Variants in CDC7 observed in about 807,000 individuals in gnomAD.
CDC7 encodes the protein cell division cycle 7, also known as cell division cycle 7-related protein kinase.
In CDC7, 34 loss-of-function variants were observed where a neutral mutation model predicts 53.5. That is an observed-to-expected ratio of 0.64 (90% CI 0.48 to 0.85). The LOEUF is 0.85. Ranked by LOEUF, CDC7 falls within the 40% of genes least tolerant of loss-of-function variation. The probability of loss-of-function intolerance (pLI) is 0.00; values close to 1 mark genes in which losing one functional copy is unlikely to be tolerated. For synonymous variants in CDC7, 211 were observed against 222.8 expected, an observed-to-expected ratio of 0.95 and a Z score of 0.47; for missense variants, 594 against 679.7, an observed-to-expected ratio of 0.87 and a Z score of 1.40.
At chr1:91,513,796 T>A in intron 7 of CDC7, 152 bp from the exon 8 acceptor site, 1 of 556,202 alleles carries the variant, frequency 1.8e-6, no homozygotes. Flanking sequence ...TATTTTCTCC[T>A]TTCACAGAAG....
intron 11 of CDC7, 150 bp downstream of exon 11, chr1:91,520,429 T>C: frequency 1.7e-6 from 1 of 595,364 alleles, no homozygotes; most frequent in South Asian, 3.1e-5. Context: ...TTCAGTTGCT[T>C]GAAAATAAAT....
rs1336554763 is a variant in CDC7, at chr1:91,508,545, C to CT, written c.335+150dup. 5.2e-6 allele frequency: 3 copies of CT among 580,770 alleles called. No homozygotes were observed. The Admixed American group carries it at 1.1e-4, about 22-fold the overall frequency. The allele number at this position is 580,770 out of a possible 1,614,324, so 36.0% of individuals were successfully genotyped here. On this transcript the variant is annotated intron_variant, in intron 4 of 11. Transcript: ENST00000234626. ...AATTTGCTAGCACTTTCCTTCTAAC[C>CT]TTGCAATAGTTAGTTAAATTTATAG...
chr1:91,515,525 A>G (rs1242347499), intron 9 of CDC7, among the ~76,000 whole-genome samples: 1 of 152,090 alleles, frequency 6.6e-6, no homozygotes, highest in Non-Finnish European at 1.5e-5. Context: ...TTTTTCTATT[A>G]TGGCTCTTAT....
chr1:91,507,858 TA>T lies in CDC7; in HGVS notation c.126del (p.Asp43IlefsTer39). 5.8e-6 allele frequency: 8 copies of T among 1,373,616 alleles called. No homozygotes were observed. Among genetic ancestry groups the T allele is most frequent in the Admixed American group, 2.0e-5 (1 of 50,160 alleles). The allele number at this position is 1,373,616 out of a possible 1,614,324, so 85.1% of individuals were successfully genotyped here. On this transcript the variant is annotated frameshift_variant, in exon 3 of 12. Coordinates refer to ENST00000234626, the MANE Select transcript of CDC7 (RefSeq NM_003503.4). LOFTEE classifies it high-confidence loss of function. ...AAATTTTTGTTTCCTTGAAAGGTGTTAAAAAAGATATTGAGAAGCTTTATGA... is the reference window on the plus strand; with the variant it reads ...AAATTTTTGTTTCCTTGAAAGGTGTTAAAAAGATATTGAGAAGCTTTATGA... ...NEQNFKLAGV[K>X]KDIEKLYEAV...
rs1406627065 is a variant in CDC7 at position 91,513,933 on chromosome 1, T to G, written c.823-15T>G. 6.4e-7 allele frequency: 1 copy of G among 1,572,472 alleles called. No homozygotes were observed. The highest frequency in any genetic ancestry group is 1.1e-5 in the South Asian group (1 of 90,186). The stretch of plus-strand genomic sequence containing the variant: ...GATATAATCCTTATTTTCCTTGTTT[T>G]TGTTGGTATTGTAGGAGGGATCTGT... On this transcript the variant is annotated splice_polypyrimidine_tract_variant and intron_variant, in intron 7 of 11. Transcript: ENST00000234626.
intron 10 of CDC7, among the ~76,000 whole-genome samples, chr1:91,516,204 G>GA (rs577131246): frequency 6.6e-6 from 1 of 151,868 alleles, no homozygotes; most frequent in Admixed American, 6.6e-5. Flanking sequence ...CTTTGTGGGG[G>GA]AAAAAATTAT....
intron 4 of CDC7, among the ~76,000 whole-genome samples, 195 bp downstream of exon 4, chr1:91,508,592 C>G (rs1211837055): frequency 1.3e-5 from 2 of 152,252 alleles, no homozygotes; most frequent in East Asian, 3.9e-4. Flanking sequence ...GATTGGATTT[C>G]CCTTGAGGCT....
At position 91,511,851 on chromosome 1, in the gene CDC7, G is replaced by A. The variant is rs763649740; in HGVS notation, c.500G>A (p.Arg167His). 17 of 1,604,698 alleles carry A rather than the reference G, an allele frequency of 1.1e-5. No homozygotes were observed. The highest frequency in any genetic ancestry group is 5.5e-5 in the South Asian group (5 of 90,252). The change falls in exon 6 of 12, where the codon CGC (arginine) becomes CAC (histidine). Residue 167 changes from arginine (R) to histidine (H), a missense_variant. Transcript: ENST00000234626. The part of the protein sequence containing the change: ...YMLNLFKALK[R>H]IHQFGIVHRD... Reference sequence around the variant, plus strand: ...CTTAATCTGTTCAAAGCTTTGAAACGCATTCATCAGTTTGGTATTGTTCAC... The same window carrying A: ...CTTAATCTGTTCAAAGCTTTGAAACACATTCATCAGTTTGGTATTGTTCAC...
In CDC7 at chr1:91,520,194, T is replaced by G; in HGVS notation, c.1245T>G (p.Tyr415Ter). ...LSLLSGRYPF[Y>*]KASDDLTALA... ...TGCTTAGTGGACGATATCCATTTTA[T>G]AAAGCAAGTGATGATTTAACTGCTT... Residue 415 changes from tyrosine to a stop codon, truncating the protein, a stop_gained, in exon 11 of 12, where the codon TAT (tyrosine) becomes TAG (stop). Transcript: ENST00000234626. LOFTEE classifies it high-confidence loss of function. The G allele has an allele frequency of 6.2e-7, 1 of 1,610,712 alleles. No homozygotes were observed.
intron 6 of CDC7, among the ~76,000 whole-genome samples, chr1:91,512,231 GATATA>G (rs924068669): frequency 1.9e-4 from 29 of 151,892 alleles, no homozygotes; most frequent in African/African-American, 6.3e-4. Context: ...ATATCTCTTA[GATATA>G]ATATAACATA....
At chr1:91,502,566 A>C (rs769417538) in intron 2 of CDC7, among the ~76,000 whole-genome samples, 6 of 152,106 alleles carry the variant, frequency 3.9e-5, no homozygotes, top group Non-Finnish European at 8.8e-5. Flanking sequence ...TTATAACCCC[A>C]CCCTAGAAAA....
At chr1:91,522,119 T>C (rs972857588) in intron 11 of CDC7, among the ~76,000 whole-genome samples, 1 of 151,996 alleles carries the variant, frequency 6.6e-6, no homozygotes, top group African/African-American at 2.4e-5. Flanking sequence ...GAGCCAAGAT[T>C]GCACCACTGC....
At chr1:91,515,224 A>G (rs1265141276) in intron 9 of CDC7, among the ~76,000 whole-genome samples, 1 of 152,338 alleles carries the variant, frequency 6.6e-6, no homozygotes, top group African/African-American at 2.4e-5. Flanking sequence ...TTATATGCAA[A>G]TAAGTGGGAC....
intron 2 of CDC7, among the ~76,000 whole-genome samples, chr1:91,506,335 C>T (rs1666987501): frequency 6.6e-6 from 1 of 152,062 alleles, no homozygotes; most frequent in Non-Finnish European, 1.5e-5. Context: ...CCTCCCCCTA[C>T]CCTAATCATC....
chr1:91,503,148 G>C (rs1317919652), intron 2 of CDC7, among the ~76,000 whole-genome samples: 1 of 152,168 alleles, frequency 6.6e-6, no homozygotes, highest in Non-Finnish European at 1.5e-5. Context: ...ATGTTTAGGA[G>C]AATGCCACTA....
chr1:91,507,474 G>A (rs1034207732), intron 2 of CDC7, among the ~76,000 whole-genome samples: 1 of 152,010 alleles, frequency 6.6e-6, no homozygotes, highest in African/African-American at 2.4e-5. Flanking sequence ...GTATCTTTAC[G>A]GGAAATAGTT....
At position 91,513,149 on chromosome 1, in the gene CDC7, A is replaced by G. The variant is rs1217482180; in HGVS notation, c.664A>G (p.Arg222Gly). ...KFVQSEAQQE[R>G]CSQNKSHIIT... Reference sequence around the variant, plus strand: ...TGTCCAGTCTGAAGCTCAGCAGGAAAGGTGTTCACAAAACAAATCCCACAT... The same window carrying G: ...TGTCCAGTCTGAAGCTCAGCAGGAAGGGTGTTCACAAAACAAATCCCACAT... Residue 222 changes from arginine to glycine, a missense_variant, in exon 7 of 12, where the codon AGG becomes GGG. By Grantham distance (125) the Arg-to-Gly change is moderately radical. Coordinates refer to ENST00000234626, the MANE Select transcript of CDC7 (RefSeq NM_003503.4). 11 of 1,613,632 alleles carry G rather than the reference A, an allele frequency of 6.8e-6. No individual in the cohort carries two copies. Among genetic ancestry groups the G allele is most frequent in the African/African-American group, 4.0e-5 (3 of 74,886 alleles).
At chr1:91,512,198 T>C (rs970962060) in intron 6 of CDC7, among the ~76,000 whole-genome samples, 1 of 152,136 alleles carries the variant, frequency 6.6e-6, no homozygotes, top group Non-Finnish European at 1.5e-5. Context: ...CCTACATATC[T>C]GCTACTTTGT....
At chr1:91,523,667 G>A (rs750030847) in intron 11 of CDC7, among the ~76,000 whole-genome samples, 3 of 152,132 alleles carry the variant, frequency 2.0e-5, no homozygotes, top group Non-Finnish European at 4.4e-5. Context: ...CAGGAGTCAT[G>A]TAGTCAAAGA....
Sources: gnomAD v4.1 joint callset for allele counts (sites outside exome capture counted in the v4.1 genomes callset) on GRCh38, gnomAD v4.1.1 for gene constraint, MANE v1.5 for transcripts, NCBI Gene and HGNC (gene_info 2026-07-23, HGNC 2026-07-21) for gene names.